ADAMTSL1: variants seen among roughly 807,000 people sequenced by gnomAD.
ADAMTSL1 encodes the protein ADAMTS like 1, also known as ADAMTS-like protein 1.
A neutral mutation model predicts 201.8 loss-of-function variants in ADAMTSL1; 126 were observed. That is an observed-to-expected ratio of 0.62 (90% CI 0.54 to 0.72). ADAMTSL1 has a LOEUF of 0.72. ADAMTSL1 is among the 30% of genes least tolerant of loss of function. The pLI, the probability that ADAMTSL1 is intolerant of heterozygous loss-of-function variation, is 0.00. For synonymous variants in ADAMTSL1, 1,121 were observed against 903.4 expected (o/e 1.24, Z -4.32); for missense variants, 2,679 against 2,277.8 (o/e 1.18, Z -3.59).
At chr9:17,944,263 T>C (rs1827362576) in intron 1 of ADAMTSL1, among the ~76,000 whole-genome samples, 1 of 152,104 alleles carries the variant, frequency 6.6e-6, no homozygotes, top group African/African-American at 2.4e-5. Flanking sequence ...ACAAGGGACG[T>C]GAAGGACATC....
intron 1 of ADAMTSL1, among the ~76,000 whole-genome samples, chr9:18,481,101 C>T (rs944203555): frequency 6.6e-6 from 1 of 152,188 alleles, no homozygotes; most frequent in Non-Finnish European, 1.5e-5. Flanking sequence ...TCAGAGTGAA[C>T]AATTCACAGA....
chr9:18,491,404 G>A (rs1198925871), intron 1 of ADAMTSL1, among the ~76,000 whole-genome samples: 1 of 152,116 alleles, frequency 6.6e-6, no homozygotes, highest in South Asian at 2.1e-4. Context: ...CGATGTGGAA[G>A]GAAAAAGAAC....
At chr9:18,124,772 A>G (rs556240154) in intron 1 of ADAMTSL1, among the ~76,000 whole-genome samples, 27 of 152,314 alleles carry the variant, frequency 1.8e-4, no homozygotes, top group African/African-American at 6.5e-4. Flanking sequence ...CTCCTTTGCA[A>G]TTCAAAAGGG....
At chr9:18,626,880 TTCCTTCCTTC>T (rs1564099721) in intron 5 of ADAMTSL1, among the ~76,000 whole-genome samples, 3 of 147,628 alleles carry the variant, frequency 2.0e-5, no homozygotes, top group African/African-American at 5.1e-5. Context: ...TCTTTCTTCC[TTCCTTCCTTC>T]CTTCCTTCCT....
At chr9:17,972,354 C>T (rs1218358588) in intron 1 of ADAMTSL1, among the ~76,000 whole-genome samples, 1 of 133,506 alleles carries the variant, frequency 7.5e-6, no homozygotes, top group Non-Finnish European at 1.6e-5. Context: ...TGATGTTCCC[C>T]TTCCTGTGTC....
intron 2 of ADAMTSL1, among the ~76,000 whole-genome samples, chr9:18,417,205 C>T (rs941214285): frequency 4.0e-5 from 6 of 151,346 alleles, no homozygotes; most frequent in African/African-American, 1.2e-4. Flanking sequence ...AAAATTATAA[C>T]GTATTTTGAA....
intron 1 of ADAMTSL1, among the ~76,000 whole-genome samples, chr9:18,480,745 G>C (rs1199695659): frequency 6.6e-6 from 1 of 152,186 alleles, no homozygotes; most frequent in Non-Finnish European, 1.5e-5. Flanking sequence ...TCATTCTAAT[G>C]GTGGTTTGAT....
intron 1 of ADAMTSL1, among the ~76,000 whole-genome samples, chr9:18,163,324 C>A (rs1184857355): frequency 6.6e-6 from 1 of 152,014 alleles, no homozygotes. Flanking sequence ...GTGATAAGCT[C>A]TAGATGAAAG....
At chr9:18,642,618 C>T (rs945815111) in intron 7 of ADAMTSL1, among the ~76,000 whole-genome samples, 15 of 151,904 alleles carry the variant, frequency 9.9e-5, no homozygotes, top group Non-Finnish European at 2.1e-4. Context: ...CAATATTCTA[C>T]TCTGTGTTTC....
At chr9:18,336,951 T>G (rs1003946715) in intron 2 of ADAMTSL1, among the ~76,000 whole-genome samples, 16 of 152,140 alleles carry the variant, frequency 1.1e-4, no homozygotes, top group Non-Finnish European at 2.4e-4. Flanking sequence ...AGCCTTTATT[T>G]TTATTAAGTT....
chr9:18,441,607 C>T (rs549176399), intron 2 of ADAMTSL1, among the ~76,000 whole-genome samples: 4 of 152,126 alleles, frequency 2.6e-5, no homozygotes, highest in Non-Finnish European at 4.4e-5. Flanking sequence ...AAGCTAAAGC[C>T]TCATGTGTAA....
In ADAMTSL1 at chr9:18,899,004, A is replaced by C. The variant is rs551351226; in HGVS notation, c.4851+6408A>C. 1.3e-5 allele frequency among the ~76,000 whole-genome samples: 2 copies of C among 152,344 alleles called. 1 individual carries two copies. Among genetic ancestry groups the C allele is most frequent in the African/African-American group, 4.8e-5 (2 of 41,572 alleles). On this transcript the variant is annotated intron_variant, in intron 26 of 28. Coordinates refer to ENST00000380548, the MANE Select transcript of ADAMTSL1 (RefSeq NM_001040272.6). ...CATATTCAAATAGAGAGGAAGTCAA[A>C]TTATCTTTGTTTGCAGATGATATGA...
chr9:18,260,522 C>T (rs531298723), intron 2 of ADAMTSL1, among the ~76,000 whole-genome samples: 39 of 152,360 alleles, frequency 2.6e-4, no homozygotes, highest in African/African-American at 8.9e-4. Flanking sequence ...CTCCACGGTG[C>T]CTGCCCATCC....
chr9:18,734,863 C>A (rs1356292238), intron 15 of ADAMTSL1, among the ~76,000 whole-genome samples: 1 of 152,198 alleles, frequency 6.6e-6, no homozygotes, highest in Non-Finnish European at 1.5e-5. Flanking sequence ...CTGTGCCTTC[C>A]ATCCCCTTTC....
chr9:18,329,044 C>A (rs557805416), intron 2 of ADAMTSL1, among the ~76,000 whole-genome samples: 72 of 152,242 alleles, frequency 4.7e-4, no homozygotes, highest in African/African-American at 1.6e-3. Context: ...GAAAGCTCAT[C>A]CCCAGTGTGA....
intron 2 of ADAMTSL1, among the ~76,000 whole-genome samples, chr9:18,223,733 G>A (rs1347682860): frequency 6.6e-6 from 1 of 152,024 alleles, no homozygotes; most frequent in Non-Finnish European, 1.5e-5. Context: ...TATATGCAAT[G>A]TATCTATCTT....
chr9:18,649,465 T>C (rs1247715333), intron 7 of ADAMTSL1, among the ~76,000 whole-genome samples: 2 of 152,232 alleles, frequency 1.3e-5, no homozygotes, highest in Non-Finnish European at 1.5e-5. Context: ...AGAGGTGCTC[T>C]GATTTTTAGA....
chr9:18,023,217 T>C (rs1335493095), intron 1 of ADAMTSL1, among the ~76,000 whole-genome samples: 6 of 152,080 alleles, frequency 3.9e-5, no homozygotes, highest in Admixed American at 2.6e-4. Context: ...TGCATTAGAA[T>C]CACCTGAAGG....
chr9:18,453,988 G>A (rs10963609), intron 2 of ADAMTSL1, among the ~76,000 whole-genome samples: 247 of 152,306 alleles, frequency 1.6e-3, no homozygotes, highest in Middle Eastern at 6.8e-3. Flanking sequence ...TCTCCAGAGA[G>A]ACAGAACCAA....
Sources: allele counts gnomAD v4.1 joint callset (sites outside exome capture counted in the v4.1 genomes callset), GRCh38; gene constraint gnomAD v4.1.1; transcripts MANE v1.5; gene names NCBI Gene and HGNC (gene_info 2026-07-23, HGNC 2026-07-21).